Variants in TBX21 observed in about 807,000 individuals in gnomAD.
The protein encoded by TBX21 is T-box transcription factor TBX21.
TBX21 carries 11 observed loss-of-function variants against 52.2 expected under a neutral mutation model. The observed-to-expected ratio is 0.21, with a 90% CI of 0.13 to 0.35. The LOEUF (loss-of-function observed/expected upper bound fraction) is 0.35, where lower values mean the gene tolerates loss of function less well. TBX21 is among the 10% of genes least tolerant of loss of function. TBX21 has a pLI of 1.00. For missense variants in TBX21, 625 were observed against 755.1 expected (o/e 0.83, Z 2.02); for synonymous variants, 300 against 316.1 (o/e 0.95, Z 0.54).
Position 47,743,084 on chromosome 17 carries a change from C to T in TBX21, c.660C>T (p.Tyr220=), listed in dbSNP as rs553383588. ...AEGSMPGNRL[Y]VHPDSPNTGA... ...AACTGTCCACAGGAAACCGCCTGTA[C>T]GTCCACCCGGACTCCCCCAACACAG... The change falls in exon 3 of 6, where the codon TAC becomes TAT. Residue 220 remains tyrosine (Y), a synonymous_variant. Coordinates refer to ENST00000177694, the MANE Select transcript of TBX21 (RefSeq NM_013351.2). The T allele has an allele frequency of 4.2e-5, 67 of 1,614,132 alleles. No individual in the cohort carries two copies. The highest frequency in any genetic ancestry group is 5.0e-5 in the Non-Finnish European group (59 of 1,180,004).
chr17:47,736,487 T>C (rs1026833112), intron 1 of TBX21, among the ~76,000 whole-genome samples: 1 of 152,158 alleles, frequency 6.6e-6, no homozygotes, highest in African/African-American at 2.4e-5. Context: ...TGTGTGTGTT[T>C]TCCAATCCTC....
chr17:47,744,387 G>A (rs2032304630), intron 4 of TBX21, 34 bp downstream of exon 4: 1 of 1,614,088 alleles, frequency 6.2e-7, no homozygotes, highest in Non-Finnish European at 8.5e-7. Flanking sequence ...GGGGAGGAGG[G>A]CAGAGTGGGG....
chr17:47,744,103 C>T (rs2032299712), intron 3 of TBX21, 92 bp from the exon 4 acceptor site: 1 of 1,519,982 alleles, frequency 6.6e-7, no homozygotes, highest in African/African-American at 1.4e-5. Context: ...AAGGTGCTTG[C>T]TAGCCTCACG....
Position 47,742,895 on chromosome 17 carries a change from C to T in TBX21, c.646+131C>T. 6.8e-7 allele frequency: 1 copy of T among 1,474,250 alleles called. No individual in the cohort carries two copies. The highest frequency in any genetic ancestry group is 9.0e-7 in the Non-Finnish European group (1 of 1,109,194). 91.3% of individuals were successfully genotyped at this position (1,474,250 alleles called of 1,614,324 possible). On this transcript the variant is annotated intron_variant, in intron 2 of 5. Transcript: ENST00000177694. The surrounding 1 kb of genome is among the most constrained non-coding windows in gnomAD (Gnocchi z 4.4). Reference sequence around the variant, plus strand: ...CCACTCCATCCCACGCCATTGCATCCCTCCTGTTTCTGGCTTCCTGCTTTG... The same window carrying T: ...CCACTCCATCCCACGCCATTGCATCTCTCCTGTTTCTGGCTTCCTGCTTTG...
intron 1 of TBX21, among the ~76,000 whole-genome samples, chr17:47,734,602 T>TGTGTGTGG (rs2032185646): frequency 1.7e-5 from 2 of 120,234 alleles, no homozygotes; most frequent in African/African-American, 6.3e-5. Flanking sequence ...TGTGTGTGTG[T>TGTGTGTGG]GTGTGTGTAT....
At chr17:47,739,000 T>TG (rs2032238611) in intron 1 of TBX21, among the ~76,000 whole-genome samples, 1 of 152,212 alleles carries the variant, frequency 6.6e-6, no homozygotes, top group South Asian at 2.1e-4. Flanking sequence ...GCAGAGCCTG[T>TG]GCCAGGAGCT....
In TBX21 at chr17:47,742,793, C is replaced by T; in HGVS notation, c.646+29C>T. 1.3e-6 allele frequency: 2 copies of T among 1,539,624 alleles called. No homozygotes were observed. Among genetic ancestry groups the T allele is most frequent in the Non-Finnish European group, 1.8e-6 (2 of 1,140,604 alleles). On this transcript the variant is annotated intron_variant, in intron 2 of 5. Coordinates refer to ENST00000177694, the MANE Select transcript of TBX21 (RefSeq NM_013351.2). The surrounding 1 kb of genome is among the most constrained non-coding windows in gnomAD (Gnocchi z 4.4). The stretch of plus-strand genomic sequence containing the variant: ...CGCGCGCCCCTGGGAGCGGTGGGCT[C>T]TGTTTCGCTGGGACTGGGCGCCCCC...
chr17:47,733,762 A>C lies in TBX21; in HGVS notation c.308A>C (p.Gln103Pro). 6.7e-7 allele frequency: 1 copy of C among 1,487,628 alleles called. No individual in the cohort carries two copies. The highest frequency in any genetic ancestry group is 1.3e-5 in the South Asian group (1 of 77,042). 92.2% of individuals were successfully genotyped at this position (1,487,628 alleles called of 1,614,324 possible). ...FPPPADAEGY[Q>P]PGEGYAAPDP... is the part of the protein sequence containing the mutation. Reference sequence around the variant, plus strand: ...CCGCCCGCGGACGCCGAGGGCTACCAGCCGGGCGAGGGCTACGCCGCCCCG... The same window carrying C: ...CCGCCCGCGGACGCCGAGGGCTACCCGCCGGGCGAGGGCTACGCCGCCCCG... The change falls in exon 1 of 6, where the codon CAG (glutamine) becomes CCG (proline). Residue 103 changes from glutamine to proline, a missense_variant. Transcript: ENST00000177694. This position sits in a 1 kb window ranked among gnomAD's most constrained non-coding sequence, Gnocchi z 6.6.
intron 1 of TBX21, among the ~76,000 whole-genome samples, chr17:47,739,454 A>G (rs942745729): frequency 3.2e-5 from 4 of 126,970 alleles, no homozygotes; most frequent in Non-Finnish European, 4.9e-5. Context: ...AGCAGACTCC[A>G]TCTCTTAAAA....
In TBX21 at chr17:47,733,812, G is replaced by T. The variant is rs2032171303; in HGVS notation, c.358G>T (p.Gly120Trp). The change falls in exon 1 of 6, where the codon GGG becomes TGG. Residue 120 changes from glycine (G) to tryptophan (W), a missense_variant. Coordinates refer to ENST00000177694, the MANE Select transcript of TBX21 (RefSeq NM_013351.2). This position sits in a 1 kb window ranked among gnomAD's most constrained non-coding sequence, Gnocchi z 6.6. ...APDPRAGLYP[G>W]PREDYALPAG... ...GGACCCGCGCGCCGGGCTCTACCCG[G>T]GGCCGCGTGAGGACTACGCGCTACC... The T allele has an allele frequency of 6.3e-7, 1 of 1,596,142 alleles. No individual in the cohort carries two copies.
rs141469546 is a variant in TBX21 at position 47,744,335 on chromosome 17, T to C, written c.909T>C (p.Thr303=). 165 of 1,614,242 alleles carry C rather than the reference T, an allele frequency of 1.0e-4. No homozygotes were observed. In the East Asian group the frequency reaches 1.9e-3, roughly 19 times the overall value. ...TFQETQFIAV[T]AYQNAEITQL... is the part of the protein sequence containing the mutation. Reference sequence around the variant, plus strand: ...AAGAAACCCAGTTCATTGCCGTGACTGCCTACCAGAATGCCGAGGTGAGGG... The same window carrying C: ...AAGAAACCCAGTTCATTGCCGTGACCGCCTACCAGAATGCCGAGGTGAGGG... Residue 303 remains threonine, a synonymous_variant, in exon 4 of 6, where the codon ACT becomes ACC. Coordinates refer to ENST00000177694, the MANE Select transcript of TBX21 (RefSeq NM_013351.2).
In TBX21 at chr17:47,744,785, C is replaced by A; in HGVS notation, c.1027C>A (p.Pro343Thr). ...TSVDTSIPSP[P>T]GPNCQFLGGD... is the part of the protein sequence containing the mutation. ...TGTTGACACCAGCATCCCCTCCCCG[C>A]CTGGACCCAACTGTCAATTCCTTGG... Residue 343 changes from proline to threonine, a missense_variant, in exon 6 of 6, where the codon CCT becomes ACT. Physicochemically the swap from Pro to Thr is conservative, Grantham distance 38. Coordinates refer to ENST00000177694, the MANE Select transcript of TBX21 (RefSeq NM_013351.2). The A allele has an allele frequency of 6.2e-7, 1 of 1,614,118 alleles. No individual in the cohort carries two copies. Among genetic ancestry groups the A allele is most frequent in the Non-Finnish European group, 8.5e-7 (1 of 1,179,986 alleles).
intron 1 of TBX21, among the ~76,000 whole-genome samples, chr17:47,740,505 G>A (rs997432619): frequency 8.5e-5 from 13 of 152,100 alleles, no homozygotes; most frequent in African/African-American, 2.4e-4. Context: ...AACCTGAGGC[G>A]GGTAGACCAC....
Position 47,733,522 on chromosome 17 carries a change from A to G in TBX21, c.68A>G (p.Glu23Gly). The change falls in exon 1 of 6, where the codon GAG (glutamate) becomes GGG (glycine). Residue 23 changes from glutamate (E) to glycine (G), a missense_variant. Transcript: ENST00000177694. The surrounding 1 kb of genome is among the most constrained non-coding windows in gnomAD (Gnocchi z 6.6). Reference protein sequence around the residue: ...TGTEPMPGSDEGRAPGADPQH... With the variant: ...TGTEPMPGSDGGRAPGADPQH... ...ACCGAGCCGATGCCGGGGAGCGACG[A>G]GGGCCGGGCGCCTGGCGCCGACCCG... 1.3e-6 allele frequency: 2 copies of G among 1,492,620 alleles called. No individual in the cohort carries two copies. Among genetic ancestry groups the G allele is most frequent in the Non-Finnish European group, 1.8e-6 (2 of 1,127,360 alleles). 92.5% of individuals were successfully genotyped at this position (1,492,620 alleles called of 1,614,324 possible).
Position 47,744,328 on chromosome 17 carries a change from C to T in TBX21, c.902C>T (p.Ala301Val). Residue 301 changes from alanine (A) to valine (V), a missense_variant, in exon 4 of 6, where the codon GCC (alanine) becomes GTC (valine). Coordinates refer to ENST00000177694, the MANE Select transcript of TBX21 (RefSeq NM_013351.2). ...IFTFQETQFI[A>V]VTAYQNAEIT... ...ACTTTCCAAGAAACCCAGTTCATTG[C>T]CGTGACTGCCTACCAGAATGCCGAG... 6.2e-7 allele frequency: 1 copy of T among 1,614,236 alleles called. No individual in the cohort carries two copies. The highest frequency in any genetic ancestry group is 8.5e-7 in the Non-Finnish European group (1 of 1,180,040).
At position 47,733,304 on chromosome 17, in the gene TBX21, C is replaced by A; in HGVS notation, c.-151C>A. The stretch of plus-strand genomic sequence containing the variant: ...CGCCTGCCGGACGAGGGCGTAGAAG[C>A]CAGGCGTCAGAGCCCGGGCTCCGGT... On this transcript the variant is annotated 5_prime_UTR_variant, in exon 1 of 6. Transcript: ENST00000177694. This position sits in a 1 kb window ranked among gnomAD's most constrained non-coding sequence, Gnocchi z 6.6. 9.0e-7 allele frequency: 1 copy of A among 1,114,004 alleles called. No individual in the cohort carries two copies. Among genetic ancestry groups the A allele is most frequent in the Non-Finnish European group, 1.2e-6 (1 of 847,150 alleles). 69.0% of individuals were successfully genotyped at this position (1,114,004 alleles called of 1,614,324 possible).
Position 47,745,861 on chromosome 17 carries a change from A to C in TBX21, c.*495A>C, listed in dbSNP as rs7502875. 34,042 of 153,454 alleles carry C rather than the reference A, an allele frequency of 0.22. 3,970 individuals are homozygous for C. The highest frequency in any genetic ancestry group is 0.32 in the Middle Eastern group (93 of 294). The allele number at this position is 153,454 out of a possible 1,614,324, so 9.5% of individuals were successfully genotyped here. ...CCCGCCAGGGTCAGGGAAAGGACTCACCTGACTTTGGACAGCTGGCCTGGG... is the reference window on the plus strand; with the variant it reads ...CCCGCCAGGGTCAGGGAAAGGACTCCCCTGACTTTGGACAGCTGGCCTGGG... On this transcript the variant is annotated 3_prime_UTR_variant, in exon 6 of 6. Coordinates refer to ENST00000177694, the MANE Select transcript of TBX21 (RefSeq NM_013351.2).
At position 47,742,983 on chromosome 17, in the gene TBX21, C is replaced by T. The variant is rs2032283726; in HGVS notation, c.647-88C>T. 3 of 1,568,534 alleles carry T rather than the reference C, an allele frequency of 1.9e-6. No individual in the cohort carries two copies. Among genetic ancestry groups the T allele is most frequent in the South Asian group, 2.4e-5 (2 of 83,370 alleles). On this transcript the variant is annotated intron_variant, in intron 2 of 5. Transcript: ENST00000177694. This position sits in a 1 kb window ranked among gnomAD's most constrained non-coding sequence, Gnocchi z 4.4. Reference sequence around the variant, plus strand: ...TGCCTGGTCCTCCCCCTGTGTCCTTCCTTACGTCCCTCTCGGGACAGGCAA... The same window carrying T: ...TGCCTGGTCCTCCCCCTGTGTCCTTTCTTACGTCCCTCTCGGGACAGGCAA...
At chr17:47,734,554 G>GGTGTCT (rs1555625742) in intron 1 of TBX21, among the ~76,000 whole-genome samples, 2 of 102,938 alleles carry the variant, frequency 1.9e-5, no homozygotes, top group Non-Finnish European at 3.9e-5. Flanking sequence ...TCATATGTCT[G>GGTGTCT]GTGTGTGTGT....
Sources: gnomAD v4.1 joint callset for allele counts (sites outside exome capture counted in the v4.1 genomes callset) on GRCh38, gnomAD v4.1.1 for gene constraint, Gnocchi (gnomAD v3.1) non-coding constraint, MANE v1.5 for transcripts, NCBI Gene and HGNC (gene_info 2026-07-23, HGNC 2026-07-21) for gene names.